The following NNMT variants were observed in gnomAD, a reference collection of about 807,000 sequenced individuals.
The protein encoded by NNMT is nicotinamide N-methyltransferase.
Under a neutral mutation model 11.7 loss-of-function variants are expected in NNMT, and 10 were observed. The ratio of observed to expected loss-of-function variants is 0.85; its 90% CI spans 0.53 to 1.45. The LOEUF is 1.45. Among genes scored for constraint, NNMT ranks in the 40% most tolerant of loss-of-function variants. The pLI, the probability that NNMT is intolerant of heterozygous loss-of-function variation, is 0.00. For synonymous variants in NNMT, 143 were observed against 133.8 expected, an observed-to-expected ratio of 1.07 and a Z score of -0.48; for missense variants, 381 against 319.4, an observed-to-expected ratio of 1.19 and a Z score of -1.47.
At chr11:114,308,283 C>T (rs1945510941) in intron 2 of NNMT, among the ~76,000 whole-genome samples, 1 of 152,084 alleles carries the variant, frequency 6.6e-6, no homozygotes, top group Non-Finnish European at 1.5e-5. Flanking sequence ...TTTCCTTGAC[C>T]TGTTTTGATG....
At chr11:114,258,276 C>T (rs1009858595) in intron 1 of NNMT, among the ~76,000 whole-genome samples, 4 of 152,228 alleles carry the variant, frequency 2.6e-5, no homozygotes, top group Non-Finnish European at 4.4e-5. Context: ...CCCTGTAGTC[C>T]TGGCTGGGTT....
chr11:114,273,338 T>C (rs778667211), intron 2 of NNMT, among the ~76,000 whole-genome samples: 45 of 152,288 alleles, frequency 3.0e-4, no homozygotes, highest in Non-Finnish European at 6.2e-4. Flanking sequence ...CAGATTCAGC[T>C]TGTTTTCTCT....
chr11:114,309,872 C>T (rs769168052), intron 2 of NNMT, among the ~76,000 whole-genome samples: 1 of 152,218 alleles, frequency 6.6e-6, no homozygotes. Context: ...TAAATGGAAT[C>T]ATACAATATG....
At chr11:114,282,935 C>G (rs1945272502) in intron 2 of NNMT, among the ~76,000 whole-genome samples, 1 of 152,204 alleles carries the variant, frequency 6.6e-6, no homozygotes, top group African/African-American at 2.4e-5. Flanking sequence ...TAGAAGTGCT[C>G]AAACTCATCA....
At chr11:114,298,357 A>G (rs1469910089) in intron 2 of NNMT, 199 bp downstream of exon 2, 5 of 570,472 alleles carry the variant, frequency 8.8e-6, no homozygotes, top group African/African-American at 1.9e-5. Flanking sequence ...TGTGTGCACC[A>G]GAGTAATGGA....
intron 2 of NNMT, among the ~76,000 whole-genome samples, chr11:114,278,797 G>A (rs1053270296): frequency 1.3e-5 from 2 of 152,198 alleles, no homozygotes; most frequent in Non-Finnish European, 2.9e-5. Context: ...GGAGAAGCTT[G>A]CAGCAGATGG....
At chr11:114,274,547 G>T (rs1473654454) in intron 2 of NNMT, among the ~76,000 whole-genome samples, 2 of 152,248 alleles carry the variant, frequency 1.3e-5, no homozygotes, top group African/African-American at 4.8e-5. Flanking sequence ...GCTTCACGTG[G>T]CTCTCTGAAC....
chr11:114,266,565 A>G (rs1945121384), intron 2 of NNMT, among the ~76,000 whole-genome samples: 1 of 120,662 alleles, frequency 8.3e-6, no homozygotes, highest in South Asian at 2.6e-4. Context: ...ATATCTTTGC[A>G]TGGCTGCCTC....
chr11:114,262,555 C>T (rs1945091592), intron 1 of NNMT, among the ~76,000 whole-genome samples: 2 of 152,176 alleles, frequency 1.3e-5, no homozygotes, highest in African/African-American at 4.8e-5. Context: ...ACCAGTTCAC[C>T]AGCCAACCCC....
intron 2 of NNMT, among the ~76,000 whole-genome samples, chr11:114,309,764 T>C (rs1400863426): frequency 2.0e-5 from 3 of 152,196 alleles, no homozygotes; most frequent in Admixed American, 1.3e-4. Context: ...CCTGTACCCA[T>C]TAGCAGCCAC....
rs900640715 is a variant in NNMT, at chr11:114,298,080, A to T, written c.284A>T (p.Glu95Val). The change falls in exon 2 of 3, where the codon GAG becomes GTG. Residue 95 changes from glutamate (E) to valine (V), a missense_variant. Physicochemically the swap from Glu to Val is moderately radical, Grantham distance 121. Transcript: ENST00000299964. ...TCAGACCAGAACCTGCAGGAGCTGG[A>T]GAAGTGGCTGAAGAAAGAGCCAGAG... The part of the protein sequence containing the change: ...DYSDQNLQEL[E>V]KWLKKEPEAF... 1.9e-6 allele frequency: 3 copies of T among 1,614,040 alleles called. No homozygotes were observed. Among genetic ancestry groups the T allele is most frequent in the Non-Finnish European group, 1.7e-6 (2 of 1,180,030 alleles).
At position 114,296,626 on chromosome 11, in the gene NNMT, TATTACAAG is replaced by T. The variant is rs1945381307; in HGVS notation, c.71_78del (p.Tyr24PhefsTer4). ...TAACCCTCGGGATTACCTAGAAAAA[TATTACAAG>T]TTTGGTTCTAGGCACTCTGCAGAAA... On this transcript the variant is annotated frameshift_variant, in exon 1 of 3. Coordinates refer to ENST00000299964, the MANE Select transcript of NNMT (RefSeq NM_006169.3). LOFTEE classifies it high-confidence loss of function. 3.1e-6 allele frequency: 5 copies of T among 1,613,980 alleles called. No individual in the cohort carries two copies. In the Admixed American group the frequency reaches 5.0e-5, roughly 16 times the overall value.
chr11:114,288,954 G>T (rs1325695795), intron 2 of NNMT, among the ~76,000 whole-genome samples: 1 of 151,904 alleles, frequency 6.6e-6, no homozygotes. Context: ...TTAGTTGAGG[G>T]GTATTTTCTC....
At position 114,312,117 on chromosome 11, in the gene NNMT, G is replaced by A; in HGVS notation, c.435G>A (p.Gln145=). 1 of 1,613,302 alleles carries A rather than the reference G, an allele frequency of 6.2e-7. No homozygotes were observed. The highest frequency in any genetic ancestry group is 8.5e-7 in the Non-Finnish European group (1 of 1,179,448). ...VKQVLKCDVT[Q]SQPLGAVPLP... ...AGGTGCTGAAGTGTGATGTGACTCA[G>A]AGCCAGCCACTGGGGGCCGTCCCCT... The change falls in exon 3 of 3, where the codon CAG becomes CAA. Residue 145 remains glutamine (Q), a synonymous_variant. Transcript: ENST00000299964.
intron 2 of NNMT, among the ~76,000 whole-genome samples, chr11:114,307,918 C>T (rs1478848995): frequency 1.3e-5 from 2 of 151,960 alleles, no homozygotes; most frequent in African/African-American, 4.8e-5. Flanking sequence ...CCCATTAGTG[C>T]CATGCTCCTT....
intron 2 of NNMT, among the ~76,000 whole-genome samples, chr11:114,282,181 A>G (rs1175757974): frequency 6.6e-6 from 1 of 152,162 alleles, no homozygotes; most frequent in Non-Finnish European, 1.5e-5. Flanking sequence ...TTGTGATTGC[A>G]CCACTGCACT....
intron 2 of NNMT, among the ~76,000 whole-genome samples, chr11:114,307,202 C>A (rs962649644): frequency 3.0e-4 from 45 of 152,154 alleles, no homozygotes; most frequent in African/African-American, 1.1e-3. Context: ...AACATTTCTA[C>A]TCACAGGTCT....
chr11:114,258,160 T>C (rs1945045550), intron 1 of NNMT, among the ~76,000 whole-genome samples: 1 of 152,006 alleles, frequency 6.6e-6, no homozygotes, highest in African/African-American at 2.4e-5. Flanking sequence ...GAGGGCACAT[T>C]GCTGGGGTCA....
intron 2 of NNMT, among the ~76,000 whole-genome samples, chr11:114,264,519 C>G (rs1036294758): frequency 2.0e-5 from 3 of 152,186 alleles, no homozygotes; most frequent in African/African-American, 7.2e-5. Context: ...GGCTTCTCCC[C>G]ACACACCAAG....
Sources: allele counts gnomAD v4.1 joint callset (sites outside exome capture counted in the v4.1 genomes callset), GRCh38; gene constraint gnomAD v4.1.1; transcripts MANE v1.5; gene names NCBI Gene and HGNC (gene_info 2026-07-23, HGNC 2026-07-21).